The following THBS4 variants were observed in gnomAD, a reference collection of about 807,000 sequenced individuals.
THBS4 encodes the protein thrombospondin-4.
Under a neutral mutation model 115.7 loss-of-function variants are expected in THBS4, and 90 were observed. The ratio of observed to expected loss-of-function variants is 0.78; its 90% CI spans 0.66 to 0.93. The LOEUF is 0.93. Ranked by LOEUF, THBS4 falls within the 40% of genes least tolerant of loss-of-function variation. The probability of loss-of-function intolerance (pLI) is 0.00; values close to 1 mark genes in which losing one functional copy is unlikely to be tolerated. For synonymous variants in THBS4, 460 were observed against 479.3 expected, an observed-to-expected ratio of 0.96 and a Z score of 0.53; for missense variants, 1,087 against 1,232.7, an observed-to-expected ratio of 0.88 and a Z score of 1.77.
intron 3 of THBS4, among the ~76,000 whole-genome samples, chr5:80,056,702 A>G (rs1833444974): frequency 6.6e-6 from 1 of 151,840 alleles, no homozygotes; most frequent in South Asian, 2.1e-4. Flanking sequence ...TGTCCTTTCC[A>G]ATAATGTATA....
At chr5:80,076,432 C>CAT (rs1743221006) in intron 15 of THBS4, among the ~76,000 whole-genome samples, 1 of 152,170 alleles carries the variant, frequency 6.6e-6, no homozygotes, top group African/African-American at 2.4e-5. Context: ...GACACTGAGC[C>CAT]ATAGAGAGGT....
At chr5:80,014,703 T>C (rs1374588298) in intron 2 of THBS4, among the ~76,000 whole-genome samples, 4 of 152,158 alleles carry the variant, frequency 2.6e-5, no homozygotes, top group Non-Finnish European at 5.9e-5. Flanking sequence ...AGACTTTGAA[T>C]TGGACAAGAG....
intron 2 of THBS4, among the ~76,000 whole-genome samples, chr5:80,052,079 C>G (rs1833275066): frequency 6.6e-6 from 1 of 151,962 alleles, no homozygotes; most frequent in Admixed American, 6.6e-5. Context: ...TTTGGTGGTC[C>G]AAGTGGTATT....
At chr5:80,046,358 T>C (rs931077837) in intron 2 of THBS4, among the ~76,000 whole-genome samples, 25 of 152,362 alleles carry the variant, frequency 1.6e-4, no homozygotes, top group Non-Finnish European at 5.9e-5. Context: ...AAAGTCATAG[T>C]GGAGCCACTG....
chr5:80,029,806 A>C (rs1468118775), intron 2 of THBS4, among the ~76,000 whole-genome samples: 164 of 147,310 alleles, frequency 1.1e-3, no homozygotes, highest in African/African-American at 4.0e-3. Context: ...AAAAATACAA[A>C]AAAAAAAAAA....
intron 2 of THBS4, among the ~76,000 whole-genome samples, chr5:80,018,707 T>C (rs996460877): frequency 1.2e-4 from 19 of 152,170 alleles, no homozygotes; most frequent in African/African-American, 4.3e-4. Flanking sequence ...AATATACTTA[T>C]TTTTTAAACA....
rs751596407 is a variant in THBS4 at position 80,077,050 on chromosome 5, T to G, written c.2086+2T>G. The G allele has an allele frequency of 1.3e-6, 2 of 1,597,202 alleles. No homozygotes were observed. The highest frequency in any genetic ancestry group is 1.7e-6 in the Non-Finnish European group (2 of 1,171,320). On this transcript the variant is annotated splice_donor_variant, in intron 16 of 21. Transcript: ENST00000350881. LOFTEE classifies it high-confidence loss of function. The stretch of plus-strand genomic sequence containing the variant: ...ACCCAGCCCAGGAGGATAGCAACAG[T>G]AAGCAGGCTCAGCCCAGAGCTGCAC...
At position 80,070,405 on chromosome 5, in the gene THBS4, A is replaced by T; in HGVS notation, c.1447A>T (p.Lys483Ter). 1 of 1,614,052 alleles carries T rather than the reference A, an allele frequency of 6.2e-7. No individual in the cohort carries two copies. Among genetic ancestry groups the T allele is most frequent in the Non-Finnish European group, 8.5e-7 (1 of 1,179,912 alleles). Reference sequence around the variant, plus strand: ...ACTGCCATGCTCTGCCAGGAACTGTAAAAAGGTAAGGGGTGTGGGGTGGCA... The same window carrying T: ...ACTGCCATGCTCTGCCAGGAACTGTTAAAAGGTAAGGGGTGTGGGGTGGCA... The part of the protein sequence containing the change: ...EELPCSARNC[K>*]KDNCKYVPNS... Residue 483 changes from lysine to a stop codon, truncating the protein, a stop_gained, in exon 11 of 22, where the codon AAA becomes TAA. Transcript: ENST00000350881. LOFTEE classifies it high-confidence loss of function.
chr5:79,991,690 C>T (rs1434890689), intron 1 of THBS4, among the ~76,000 whole-genome samples: 1 of 152,194 alleles, frequency 6.6e-6, no homozygotes, highest in Non-Finnish European at 1.5e-5. Context: ...CCTGTTCTCA[C>T]CCTCATGTTC....
At chr5:80,071,671 CACACACACACACACAT>C (rs1228547107) in intron 13 of THBS4, 2 of 162,456 alleles carry the variant, frequency 1.2e-5, no homozygotes, top group Non-Finnish European at 2.7e-5. Flanking sequence ...CACACACACA[CACACACACACACACAT>C]ACACCACTCC....
chr5:80,036,655 GA>G (rs1278259156), intron 1 of THBS4, among the ~76,000 whole-genome samples: 1 of 152,194 alleles, frequency 6.6e-6, no homozygotes, highest in Non-Finnish European at 1.5e-5. Context: ...CAGTTAAACA[GA>G]ATTTTTTGTA....
rs138210279 is a variant in THBS4 at position 80,001,048 on chromosome 5, TA to T, written n.177+2622del. On this transcript the variant is annotated intron_variant and non_coding_transcript_variant, in intron 2 of 3. Coordinates refer to the THBS4 transcript ENST00000510218. ...GACATCACCAACAGCTTACAAAAAT[TA>T]GACCAGTTGACTCTCAATAAGACTT... Among the ~76,000 whole-genome samples the T allele has an allele frequency of 5.8e-3, 876 of 152,328 alleles. 13 individuals are homozygous for T. The highest frequency in any genetic ancestry group is 0.02 in the African/African-American group (837 of 41,584).
chr5:80,061,681 T>C lies in THBS4; in HGVS notation c.988-14T>C, dbSNP rs746496657. 1 of 1,594,764 alleles carries C rather than the reference T, an allele frequency of 6.3e-7. No homozygotes were observed. Among genetic ancestry groups the C allele is most frequent in the Admixed American group, 1.8e-5 (1 of 56,664 alleles). On this transcript the variant is annotated splice_polypyrimidine_tract_variant and intron_variant, in intron 7 of 21. Transcript: ENST00000350881. ...CTCGGTGTGGCTAAAGACTTTGAAC[T>C]TTTTTGTCTCCAGTGCAAATACCAT...
chr5:80,020,352 T>G (rs1276416059), intron 2 of THBS4, among the ~76,000 whole-genome samples: 1 of 152,070 alleles, frequency 6.6e-6, no homozygotes, highest in Non-Finnish European at 1.5e-5. Context: ...CAGGAGCCTG[T>G]AATCCCAACT....
chr5:80,008,738 C>T (rs923193956), intron 2 of THBS4, among the ~76,000 whole-genome samples: 1 of 152,160 alleles, frequency 6.6e-6, no homozygotes, highest in South Asian at 2.1e-4. Flanking sequence ...CAGCACCCCT[C>T]GCCTCTACCA....
chr5:80,022,395 A>G (rs1832395368), intron 2 of THBS4, among the ~76,000 whole-genome samples: 1 of 152,240 alleles, frequency 6.6e-6, no homozygotes, highest in Admixed American at 6.5e-5. Flanking sequence ...TTAAATTGCA[A>G]TCACTTTTCT....
At chr5:80,010,268 T>TC (rs2151154004) in intron 2 of THBS4, among the ~76,000 whole-genome samples, 2 of 152,242 alleles carry the variant, frequency 1.3e-5, no homozygotes, top group South Asian at 4.1e-4. Flanking sequence ...TTTCCCCAAC[T>TC]CCAAGTTATA....
chr5:80,071,815 C>A, intron 13 of THBS4: 1 of 170,134 alleles, frequency 5.9e-6, no homozygotes, highest in Non-Finnish European at 1.3e-5. Flanking sequence ...GTAGCATTTT[C>A]CAGTTTCCAT....
At chr5:80,018,905 G>A (rs772744319) in intron 2 of THBS4, among the ~76,000 whole-genome samples, 7 of 152,106 alleles carry the variant, frequency 4.6e-5, no homozygotes, top group Non-Finnish European at 1.0e-4. Flanking sequence ...TTGTCTTTGT[G>A]TGTTGGGAGG....
Sources: gnomAD v4.1 joint callset for allele counts (sites outside exome capture counted in the v4.1 genomes callset) on GRCh38, gnomAD v4.1.1 for gene constraint, MANE v1.5 for transcripts, NCBI Gene and HGNC (gene_info 2026-07-23, HGNC 2026-07-21) for gene names.